Variants in EPPIN observed in about 807,000 individuals in gnomAD.
EPPIN encodes WAP four-disulfide core domain protein 7.
In EPPIN, 14 loss-of-function variants were observed where a neutral mutation model predicts 18.8. That is an observed-to-expected ratio of 0.75 (90% CI 0.49 to 1.17). The LOEUF is 1.17. Among genes scored for constraint, EPPIN ranks in the 50% most tolerant of loss-of-function variants. The pLI, the probability that EPPIN is intolerant of heterozygous loss-of-function variation, is 0.00. For synonymous variants in EPPIN, 57 were observed against 54.8 expected (o/e 1.04, Z -0.18); for missense variants, 143 against 154.2 (o/e 0.93, Z 0.39).
chr20:45,545,850 A>G lies in EPPIN; in HGVS notation c.92-80T>C, dbSNP rs376765772. ...ACTTTGCCAGACACAAGGCAATTCT[A>G]GAGAGTCAGGGAAGTTTGCTTTCAG... On this transcript the variant is annotated intron_variant, in intron 1 of 3. Transcript: ENST00000354280. The G allele has an allele frequency of 1.3e-3, 2,012 of 1,575,340 alleles. 6 individuals carry two copies. In the Middle Eastern group the frequency reaches 0.02, roughly 16 times the overall value.
At chr20:45,545,972 A>C in intron 1 of EPPIN, 2 of 689,036 alleles carry the variant, frequency 2.9e-6, no homozygotes, top group Non-Finnish European at 2.4e-6. Context: ...TCCTCCCTCT[A>C]TTCCCACCCC....
Position 45,540,983 on chromosome 20 carries a change from G to C in EPPIN, c.*1161C>G, listed in dbSNP as rs566923955. On this transcript the variant is annotated 3_prime_UTR_variant, in exon 4 of 4. Coordinates refer to ENST00000354280, the MANE Select transcript of EPPIN (RefSeq NM_020398.4). ...TACATGCATGTGTATGTTCACTGCA[G>C]CACTATTTACAATAGCAAAAACATG... 6.6e-6 allele frequency: 1 copy of C among 152,260 alleles called. No individual in the cohort carries two copies. The highest frequency in any genetic ancestry group is 6.5e-5 in the Admixed American group (1 of 15,298). 9.4% of individuals were successfully genotyped at this position (152,260 alleles called of 1,614,324 possible). A position where few individuals can be genotyped will look rare whatever the true frequency, so the allele number is the denominator to read the frequency against.
chr20:45,545,610 G>A (rs2231833), intron 2 of EPPIN, 29 bp downstream of exon 2: 1 of 1,613,540 alleles, frequency 6.2e-7, no homozygotes, highest in Non-Finnish European at 8.5e-7. Flanking sequence ...GGGAGGAGGG[G>A]TTGGTTATTC....
chr20:45,543,012 C>T (rs1167248844), intron 2 of EPPIN, 145 bp from the exon 3 acceptor site: 5 of 1,244,944 alleles, frequency 4.0e-6, no homozygotes, highest in African/African-American at 1.5e-5. Flanking sequence ...GCTCCACTGA[C>T]ATATTGCACA....
chr20:45,545,918 T>A, intron 1 of EPPIN, 148 bp from the exon 2 acceptor site: 1 of 1,240,192 alleles, frequency 8.1e-7, no homozygotes, highest in Non-Finnish European at 1.1e-6. Flanking sequence ...GCAGCCTCAC[T>A]CATTTCCCTA....
intron 1 of EPPIN, among the ~76,000 whole-genome samples, chr20:45,546,723 C>T (rs1050090558): frequency 2.6e-5 from 4 of 152,178 alleles, no homozygotes; most frequent in African/African-American, 9.7e-5. Flanking sequence ...ATCCTTACTT[C>T]CTGAGTGTTC....
At position 45,545,444 on chromosome 20, in the gene EPPIN, C is replaced by T. The variant is rs1219945428; in HGVS notation, c.223+195G>A. ...CTGGGAAACTGAGTCTCAGACATTA[C>T]CTGATAGGATAAGGTCATTCCTAAT... On this transcript the variant is annotated intron_variant, in intron 2 of 3. Coordinates refer to ENST00000354280, the MANE Select transcript of EPPIN (RefSeq NM_020398.4). 4.9e-6 allele frequency: 4 copies of T among 823,352 alleles called. No homozygotes were observed. The Admixed American group carries it at 1.2e-4, about 24-fold the overall frequency. 51.0% of individuals were successfully genotyped at this position (823,352 alleles called of 1,614,324 possible). A position where few individuals can be genotyped will look rare whatever the true frequency, so the allele number is the denominator to read the frequency against.
At chr20:45,545,889 A>G (rs1212398633) in intron 1 of EPPIN, 119 bp from the exon 2 acceptor site, 10 of 1,496,996 alleles carry the variant, frequency 6.7e-6, no homozygotes, top group Admixed American at 1.9e-5. Context: ...GCTTGCCCCC[A>G]GGAGTTCTTT....
chr20:45,542,269 G>T, intron 3 of EPPIN, 115 bp from the exon 4 acceptor site: 1 of 1,351,412 alleles, frequency 7.4e-7, no homozygotes. Flanking sequence ...TAGTGGGTTT[G>T]CTTTGGGGAG....
chr20:45,545,465 C>T (rs1979783684), intron 2 of EPPIN, 174 bp downstream of exon 2: 1 of 1,087,374 alleles, frequency 9.2e-7, no homozygotes, highest in Non-Finnish European at 1.3e-6. Flanking sequence ...AAGGTCATTC[C>T]TAATGGCACA....
intron 2 of EPPIN, chr20:45,544,451 G>C (rs1432678440): frequency 6.6e-6 from 1 of 152,102 alleles, no homozygotes. Context: ...ATTTATCCAA[G>C]ACAAAAAGGC....
chr20:45,542,301 A>G (rs139673568), intron 3 of EPPIN, 147 bp from the exon 4 acceptor site: 2 of 1,031,340 alleles, frequency 1.9e-6, no homozygotes, highest in South Asian at 1.6e-5. Context: ...CTTCAAGGAA[A>G]AACAAATAGG....
intron 3 of EPPIN, chr20:45,542,473 T>G: frequency 1.5e-6 from 1 of 668,728 alleles, no homozygotes; most frequent in Non-Finnish European, 2.5e-6. Context: ...CCCCTCATAC[T>G]TGCCAGCATT....
intron 2 of EPPIN, 97 bp downstream of exon 2, chr20:45,545,542 C>G (rs776361026): frequency 3.1e-6 from 5 of 1,588,728 alleles, no homozygotes; most frequent in Non-Finnish European, 4.3e-6. Flanking sequence ...TTGCCAGAGA[C>G]CAGCCCTCAG....
chr20:45,545,694 G>T lies in EPPIN; in HGVS notation c.168C>A (p.Asp56Glu), dbSNP rs1979796300. The T allele has an allele frequency of 6.2e-7, 1 of 1,614,084 alleles. No homozygotes were observed. The highest frequency in any genetic ancestry group is 2.2e-5 in the East Asian group (1 of 44,886). Residue 56 changes from aspartate (D) to glutamate (E), a missense_variant, in exon 2 of 4, where the codon GAC becomes GAA. Transcript: ENST00000354280. ...AGCTGAAGACACAACACTTCTTGTT[G>T]TCCTGGCATTGTCTGTCCTTTGTAC... ...DVCTKDRQCQDNKKCCVFSCG... is the reference protein window; with the variant it reads ...DVCTKDRQCQENKKCCVFSCG...
rs1979619337 is a variant in EPPIN, at chr20:45,542,134, C to T, written c.*10G>A. 4 of 1,613,528 alleles carry T rather than the reference C, an allele frequency of 2.5e-6. No individual in the cohort carries two copies. The highest frequency in any genetic ancestry group is 3.4e-6 in the Non-Finnish European group (4 of 1,179,758). On this transcript the variant is annotated 3_prime_UTR_variant, in exon 4 of 4. Transcript: ENST00000354280. ...CATTCTGGCAGTTCTTCCAGTGCAT[C>T]CTTATCCAATCAGGGAAAGCCTGCA...
rs1001416692 is a variant in EPPIN, at chr20:45,541,372, A to G, written c.*772T>C. The stretch of plus-strand genomic sequence containing the variant: ...TGTAACAAACCTGCAGGTCCTGCAC[A>G]TGTATCCCGGAACGTAAAATAAAAT... On this transcript the variant is annotated 3_prime_UTR_variant, in exon 4 of 4. Transcript: ENST00000354280. 9 of 152,226 alleles carry G rather than the reference A, an allele frequency of 5.9e-5. No homozygotes were observed. The highest frequency in any genetic ancestry group is 5.9e-4 in the Admixed American group (9 of 15,284). 9.4% of individuals were successfully genotyped at this position (152,226 alleles called of 1,614,324 possible).
chr20:45,545,049 G>A (rs919783066), intron 2 of EPPIN: 1 of 152,382 alleles, frequency 6.6e-6, no homozygotes, highest in African/African-American at 2.4e-5. Context: ...TGACCACACT[G>A]AGACCAAATC....
At chr20:45,543,960 G>A (rs1979715851) in intron 2 of EPPIN, 1 of 152,272 alleles carries the variant, frequency 6.6e-6, no homozygotes, top group Non-Finnish European at 1.5e-5. Flanking sequence ...TGTCACTCTT[G>A]ACCCCATTCT....
Sources: gnomAD v4.1 joint callset for allele counts (sites outside exome capture counted in the v4.1 genomes callset) on GRCh38, gnomAD v4.1.1 for gene constraint, MANE v1.5 for transcripts, NCBI Gene and HGNC (gene_info 2026-07-23, HGNC 2026-07-21) for gene names.